Variants in TOP2A observed in about 807,000 individuals in gnomAD.
TOP2A encodes the protein DNA topoisomerase 2-alpha.
TOP2A carries 68 observed loss-of-function variants against 187.2 expected under a neutral mutation model. That is an observed-to-expected ratio of 0.36 (90% CI 0.30 to 0.44). The LOEUF (loss-of-function observed/expected upper bound fraction) is 0.44, where lower values mean the gene tolerates loss of function less well. TOP2A is among the 20% of genes least tolerant of loss of function. TOP2A has a pLI of 1.00. For missense variants in TOP2A, 1,196 were observed against 1,808.7 expected (o/e 0.66, Z 6.14); for synonymous variants, 542 against 593.2 (o/e 0.91, Z 1.25).
In TOP2A at chr17:40,400,429, T is replaced by A; in HGVS notation, c.2800-20A>T. The A allele has an allele frequency of 6.2e-7, 1 of 1,610,456 alleles. No individual in the cohort carries two copies. Among genetic ancestry groups the A allele is most frequent in the Non-Finnish European group, 8.5e-7 (1 of 1,178,554 alleles). ...GTATGTCTAAAGAAAGAAATAATCC[T>A]GAAGTTTCTAAAATATAGGCTTCTG... On this transcript the variant is annotated intron_variant, in intron 22 of 34. Transcript: ENST00000423485.
chr17:40,395,633 C>T (rs1448267132), intron 28 of TOP2A, 94 bp from the exon 29 acceptor site: 7 of 795,570 alleles, frequency 8.8e-6, no homozygotes, highest in Admixed American at 2.8e-5. Context: ...CGGTGGCTCA[C>T]GCCTGTAATC....
Position 40,391,532 on chromosome 17 carries a change from A to C in TOP2A, c.4241T>G (p.Val1414Gly). Residue 1414 changes from valine to glycine, a missense_variant, in exon 33 of 35, where the codon GTG becomes GGG. Val to Gly is a moderately radical substitution (Grantham distance 109). This residue lies in a region of TOP2A where 374 missense variants were observed against 403.3 expected (regional missense o/e 0.93). Transcript: ENST00000423485. ...TTTTGCTGCTGTCTTCTTCACTGTC[A>C]CATTCTTTTTAGGAACTGGGTTTGT... ...EITNPVPKKN[V>G]TVKKTAAKSQ... 1 of 1,612,628 alleles carries C rather than the reference A, an allele frequency of 6.2e-7. No individual in the cohort carries two copies. Among genetic ancestry groups the C allele is most frequent in the Non-Finnish European group, 8.5e-7 (1 of 1,179,442 alleles).
At chr17:40,417,464 A>C in intron 1 of TOP2A, 1 of 1,123,474 alleles carries the variant, frequency 8.9e-7, no homozygotes, top group Non-Finnish European at 1.2e-6. Flanking sequence ...AAGCATCTGT[A>C]CGCGCGACTC....
rs568592353 is a variant in TOP2A at position 40,407,455 on chromosome 17, TAACTA to T, written c.1626+89_1626+93del. 131 of 1,013,584 alleles carry T rather than the reference TAACTA, an allele frequency of 1.3e-4. No homozygotes were observed. In the East Asian group the frequency reaches 1.9e-3, roughly 14 times the overall value. 62.8% of individuals were successfully genotyped at this position (1,013,584 alleles called of 1,614,324 possible). ...AGAGATGATGAATAAAGCTCCTATT[TAACTA>T]ATTTATTTTCATGGCAAAAAACAAT... On this transcript the variant is annotated intron_variant, in intron 13 of 34. Coordinates refer to ENST00000423485, the MANE Select transcript of TOP2A (RefSeq NM_001067.4).
chr17:40,390,222 T>G, intron 33 of TOP2A, 58 bp from the exon 34 acceptor site: 1 of 1,480,966 alleles, frequency 6.8e-7, no homozygotes, highest in Admixed American at 2.2e-5. Flanking sequence ...GGGGTCTCAC[T>G]CTATCGTCCA....
At chr17:40,401,151 G>T in intron 20 of TOP2A, 70 bp from the exon 21 acceptor site, 2 of 1,327,090 alleles carry the variant, frequency 1.5e-6, no homozygotes, top group Non-Finnish European at 2.1e-6. Context: ...TTATGGAAAG[G>T]ACATGTATTA....
chr17:40,391,963 T>G lies in TOP2A; in HGVS notation c.4132+105A>C, dbSNP rs1482177419. ...CATAATGTTAATAAGAACTCAAATTTATTTCCAAAGGAAGTACTTGGATAA... is the reference window on the plus strand; with the variant it reads ...CATAATGTTAATAAGAACTCAAATTGATTTCCAAAGGAAGTACTTGGATAA... On this transcript the variant is annotated intron_variant, in intron 32 of 34. Coordinates refer to ENST00000423485, the MANE Select transcript of TOP2A (RefSeq NM_001067.4). 6.2e-6 allele frequency: 8 copies of G among 1,281,266 alleles called. 1 individual carries two copies. The South Asian group carries it at 1.2e-4, about 19-fold the overall frequency. The allele number at this position is 1,281,266 out of a possible 1,614,324, so 79.4% of individuals were successfully genotyped here. A position where few individuals can be genotyped will look rare whatever the true frequency, so the allele number is the denominator to read the frequency against.
intron 29 of TOP2A, among the ~76,000 whole-genome samples, chr17:40,393,028 AGACCCTGTCTT>A (rs2035046072): frequency 6.6e-6 from 1 of 152,120 alleles, no homozygotes; most frequent in African/African-American, 2.4e-5. Context: ...GTAAGATATA[AGACCCTGTCTT>A]GGCTGGGTGC....
At position 40,399,863 on chromosome 17, in the gene TOP2A, A is replaced by G. The variant is rs1368171634; in HGVS notation, c.3196+9T>C. 2 of 1,586,860 alleles carry G rather than the reference A, an allele frequency of 1.3e-6. No homozygotes were observed. The highest frequency in any genetic ancestry group is 1.7e-6 in the Non-Finnish European group (2 of 1,170,014). ...GTTTTAGTAAGCAGTTATTATTCCC[A>G]AAACATACCAATGATTATTTTGCCA... On this transcript the variant is annotated intron_variant, in intron 24 of 34. Coordinates refer to ENST00000423485, the MANE Select transcript of TOP2A (RefSeq NM_001067.4).
chr17:40,398,726 G>T (rs771602340), intron 26 of TOP2A, 47 bp downstream of exon 26: 1 of 1,604,852 alleles, frequency 6.2e-7, no homozygotes. Flanking sequence ...TTTACCATTA[G>T]AATAGAACAA....
At position 40,412,857 on chromosome 17, in the gene TOP2A, G is replaced by A. The variant is rs769919207; in HGVS notation, c.691C>T (p.Leu231=). The change falls in exon 7 of 35, where the codon CTG becomes TTG. Residue 231 remains leucine (L), a synonymous_variant. Transcript: ENST00000423485. ...PDLSKFKMQS[L]DKDIVALMVR... ...ATTAGTGCAACAATATCTTTGTCCA[G>A]GCTTTGCATTTTAAACTTAGACAAA... 6.2e-7 allele frequency: 1 copy of A among 1,613,824 alleles called. No homozygotes were observed. Among genetic ancestry groups the A allele is most frequent in the Non-Finnish European group, 8.5e-7 (1 of 1,179,824 alleles).
chr17:40,397,306 G>A (rs2923226), intron 27 of TOP2A, among the ~76,000 whole-genome samples: 1 of 116,516 alleles, frequency 8.6e-6, no homozygotes, highest in Non-Finnish European at 1.7e-5. Flanking sequence ...TTTTTTTTTA[G>A]ATGGAGTCTT....
intron 19 of TOP2A, 71 bp from the exon 20 acceptor site, chr17:40,403,125 A>G: frequency 7.2e-7 from 1 of 1,385,650 alleles, no homozygotes; most frequent in Non-Finnish European, 9.8e-7. Flanking sequence ...TAACCTCACT[A>G]TAATCCTGTA....
At chr17:40,403,174 G>T in intron 19 of TOP2A, 120 bp from the exon 20 acceptor site, 2 of 923,730 alleles carry the variant, frequency 2.2e-6, no homozygotes, top group Non-Finnish European at 3.1e-6. Flanking sequence ...ACTTTCCTCA[G>T]ATTAATAGAT....
chr17:40,406,963 A>G (rs1335458183), intron 13 of TOP2A, 21 bp from the exon 14 acceptor site: 2 of 1,546,834 alleles, frequency 1.3e-6, no homozygotes, highest in East Asian at 4.6e-5. Flanking sequence ...TTGAAAGCCA[A>G]AGTTCAAAAG....
Position 40,402,916 on chromosome 17 carries a change from T to C in TOP2A, c.2422A>G (p.Thr808Ala), listed in dbSNP as rs1358067511. The change falls in exon 20 of 35, where the codon ACA becomes GCA. Residue 808 changes from threonine (T) to alanine (A), a missense_variant. Thr to Ala is a moderately conservative substitution (Grantham distance 58). Around this residue, in one of 10 missense-constraint regions of TOP2A, gnomAD observed 209 missense variants for 376.9 expected, o/e 0.55. Coordinates refer to ENST00000423485, the MANE Select transcript of TOP2A (RefSeq NM_001067.4). ...KDSASPRYIF[T>A]MLSSLARLLF... ...TGAAAGCATACCTACCTGAGCATTG[T>C]AAAGATGTATCGTGGACTAGCAGAA... 1 of 1,607,250 alleles carries C rather than the reference T, an allele frequency of 6.2e-7. No individual in the cohort carries two copies. Among genetic ancestry groups the C allele is most frequent in the African/African-American group, 1.3e-5 (1 of 74,986 alleles).
At position 40,392,298 on chromosome 17, in the gene TOP2A, G is replaced by T. The variant is rs563013978; in HGVS notation, c.4008C>A (p.Phe1336Leu). 37 of 1,605,660 alleles carry T rather than the reference G, an allele frequency of 2.3e-5. No individual in the cohort carries two copies. In the Middle Eastern group the frequency reaches 4.8e-3, roughly 208 times the overall value. The change falls in exon 31 of 35, where the codon TTC becomes TTA. Residue 1336 changes from phenylalanine (F) to leucine (L), a missense_variant. Phe to Leu is a conservative substitution (Grantham distance 22). This residue lies in a region of TOP2A where 374 missense variants were observed against 403.3 expected (regional missense o/e 0.93). Transcript: ENST00000423485. Reference protein sequence around the residue: ...FTMDLDSDEDFSDFDEKTDDE... With the variant: ...FTMDLDSDEDLSDFDEKTDDE... ...CATCAGTTTTTTCATCAAAATCTGAGAAATCTTCATCTGAATCCAAATCCA... is the reference window on the plus strand; with the variant it reads ...CATCAGTTTTTTCATCAAAATCTGATAAATCTTCATCTGAATCCAAATCCA...
intron 16 of TOP2A, among the ~76,000 whole-genome samples, chr17:40,405,164 A>AT (rs778351248): frequency 0.014 from 1,792 of 127,952 alleles, 44 homozygotes; most frequent in African/African-American, 0.046. Context: ...TAATTTTTGT[A>AT]TTTTTTTTTT....
At chr17:40,405,803 G>A (rs534042248) in intron 16 of TOP2A, among the ~76,000 whole-genome samples, 29 of 150,130 alleles carry the variant, frequency 1.9e-4, no homozygotes, top group African/African-American at 6.9e-4. Context: ...GTCTCACTCT[G>A]TTGCCCAGGC....
Sources: gnomAD v4.1 joint callset for allele counts (sites outside exome capture counted in the v4.1 genomes callset) on GRCh38, gnomAD v4.1.1 for gene constraint, gnomAD v4.1.1 regional missense constraint, MANE v1.5 for transcripts, NCBI Gene and HGNC (gene_info 2026-07-23, HGNC 2026-07-21) for gene names.